GSN: variants seen among roughly 807,000 people sequenced by gnomAD.
GSN encodes the protein gelsolin, also known as actin-depolymerizing factor.
GSN carries 56 observed loss-of-function variants against 85.7 expected under a neutral mutation model. That is an observed-to-expected ratio of 0.65 (90% CI 0.53 to 0.82). The LOEUF is 0.82. GSN is among the 40% of genes least tolerant of loss of function. The pLI is 0.00. For synonymous variants in GSN, 373 were observed against 399.1 expected, an observed-to-expected ratio of 0.93 and a Z score of 0.78; for missense variants, 857 against 979.8, an observed-to-expected ratio of 0.87 and a Z score of 1.67.
intron 2 of GSN, chr9:121,282,308 C>A (rs1266423008): frequency 6.6e-6 from 4 of 605,860 alleles, no homozygotes; most frequent in Non-Finnish European, 1.2e-5. Flanking sequence ...ACCAGTGAGA[C>A]AGGAAGGATC....
chr9:121,313,507 G>A (rs927507078), intron 6 of GSN: 1 of 290,678 alleles, frequency 3.4e-6, no homozygotes, highest in South Asian at 3.4e-5. Context: ...CCTAATAGCT[G>A]TGTGAGTAGG....
At chr9:121,283,983 C>T (rs2057747071) in intron 2 of GSN, 2 of 166,910 alleles carry the variant, frequency 1.2e-5, no homozygotes, top group South Asian at 2.1e-4. Context: ...TGGAGGAGCC[C>T]CCTAGGCAGA....
At chr9:121,276,467 G>T (rs1457904224) in intron 1 of GSN, among the ~76,000 whole-genome samples, 1 of 152,214 alleles carries the variant, frequency 6.6e-6, no homozygotes, top group African/African-American at 2.4e-5. Flanking sequence ...ACAAAGGACC[G>T]AATGACTTGG....
intron 2 of GSN, chr9:121,282,551 G>A (rs765328596): frequency 6.4e-6 from 8 of 1,247,354 alleles, no homozygotes; most frequent in South Asian, 4.0e-5. Flanking sequence ...CAAAGCTCAG[G>A]TGAAAGGGCT....
chr9:121,234,403 C>A (rs2054452753), intron 5 of GSN, among the ~76,000 whole-genome samples: 1 of 152,168 alleles, frequency 6.6e-6, no homozygotes, highest in African/African-American at 2.4e-5. Flanking sequence ...CAGCACCGAT[C>A]CCTTCCGGAG....
At chr9:121,258,927 T>G (rs1247060560) in intron 6 of GSN, among the ~76,000 whole-genome samples, 1 of 152,240 alleles carries the variant, frequency 6.6e-6, no homozygotes, top group Non-Finnish European at 1.5e-5. Flanking sequence ...CATTCAACAT[T>G]TACTAGTCTC....
At chr9:121,257,722 T>G (rs368031159) in intron 6 of GSN, among the ~76,000 whole-genome samples, 1 of 151,906 alleles carries the variant, frequency 6.6e-6, no homozygotes, top group Non-Finnish European at 1.5e-5. Context: ...GATAGAAAAA[T>G]TAGGTGGGTG....
chr9:121,331,144 T>C (rs923618296), intron 16 of GSN, among the ~76,000 whole-genome samples: 10 of 152,204 alleles, frequency 6.6e-5, no homozygotes, highest in African/African-American at 2.4e-4. Context: ...TCTAGATTTT[T>C]ATGTCATAAC....
At chr9:121,243,596 G>T (rs1366508471) in intron 5 of GSN, among the ~76,000 whole-genome samples, 1 of 152,144 alleles carries the variant, frequency 6.6e-6, no homozygotes, top group Non-Finnish European at 1.5e-5. Context: ...AGGGGGGTGG[G>T]AGCAGCGTTT....
At chr9:121,222,615 A>G (rs927797551) in intron 4 of GSN, among the ~76,000 whole-genome samples, 6 of 152,224 alleles carry the variant, frequency 3.9e-5, no homozygotes, top group African/African-American at 7.2e-5. Flanking sequence ...TTGCATTACA[A>G]TTACCTCTAG....
chr9:121,234,407 T>C (rs2054452850), intron 5 of GSN, among the ~76,000 whole-genome samples: 1 of 152,150 alleles, frequency 6.6e-6, no homozygotes, highest in Non-Finnish European at 1.5e-5. Context: ...ACCGATCCCT[T>C]CCGGAGGGGA....
At chr9:121,266,780 C>G (rs1329103001), upstream of GSN, among the ~76,000 whole-genome samples, 1 of 152,102 alleles carries the variant, frequency 6.6e-6, no homozygotes, top group African/African-American at 2.4e-5. Context: ...GTCGGTAATA[C>G]GTGGGAAGCC....
chr9:121,214,964 T>G (rs2054033526), intron 4 of GSN, among the ~76,000 whole-genome samples: 1 of 152,144 alleles, frequency 6.6e-6, no homozygotes, highest in Non-Finnish European at 1.5e-5. Flanking sequence ...ATAACAAAAA[T>G]GTGTTCTCTC....
At chr9:121,304,341 G>C (rs368478730) in intron 4 of GSN, among the ~76,000 whole-genome samples, 16 of 152,378 alleles carry the variant, frequency 1.1e-4, no homozygotes, top group Middle Eastern at 6.8e-3. Flanking sequence ...GAGGTGTCCA[G>C]CTCTGCCTTC....
chr9:121,264,626 C>T (rs989670895), upstream of GSN, among the ~76,000 whole-genome samples: 3 of 152,224 alleles, frequency 2.0e-5, no homozygotes, highest in Non-Finnish European at 2.9e-5. Context: ...GACCTCCACA[C>T]CTTTGCTTAT....
chr9:121,214,203 TTCC>T, intron 4 of GSN, among the ~76,000 whole-genome samples: 1 of 151,682 alleles, frequency 6.6e-6, no homozygotes, highest in African/African-American at 2.4e-5. Flanking sequence ...CCTTCCTTCC[TTCC>T]TTCCTTCCTC....
chr9:121,301,997 T>G lies in GSN; in HGVS notation c.26T>G (p.Leu9Arg). MVVEHPEF[L>R]KAGKEPGLQI... ...ATGGTGGTGGAACACCCCGAGTTCC[T>G]CAAGGCAGGGAAGGAGCCTGGCCTG... is the stretch of plus-strand genomic sequence containing the variant. Residue 9 changes from leucine (L) to arginine (R), a missense_variant, in exon 3 of 18, where the codon CTC (leucine) becomes CGC (arginine). Leu to Arg is a moderately radical substitution (Grantham distance 102, BLOSUM62 -2). Transcript: ENST00000432226. The G allele has an allele frequency of 6.2e-7, 1 of 1,614,180 alleles. No homozygotes were observed. Among genetic ancestry groups the G allele is most frequent in the South Asian group, 1.1e-5 (1 of 91,090 alleles).
At position 121,318,235 on chromosome 9, in the gene GSN, C is replaced by T. The variant is rs912998673; in HGVS notation, c.887-171C>T. ...TCACTGGCCAGCCCCAGGCTGGACACCAGGAGCTCTAGTGAGTGGTCGGCT... is the reference window on the plus strand; with the variant it reads ...TCACTGGCCAGCCCCAGGCTGGACATCAGGAGCTCTAGTGAGTGGTCGGCT... On this transcript the variant is annotated intron_variant, in intron 8 of 17. Coordinates refer to ENST00000432226, the MANE Select transcript of GSN (RefSeq NM_198252.3). This position sits in a 1 kb window ranked among gnomAD's most constrained non-coding sequence, Gnocchi z 4.3. Among the ~76,000 whole-genome samples, 1 of 152,182 alleles carries T rather than the reference C, an allele frequency of 6.6e-6. No homozygotes were observed. Among genetic ancestry groups the T allele is most frequent in the Non-Finnish European group, 1.5e-5 (1 of 68,026 alleles).
At chr9:121,270,549 G>T (rs2055785394) in intron 1 of GSN, among the ~76,000 whole-genome samples, 1 of 152,224 alleles carries the variant, frequency 6.6e-6, no homozygotes, top group Non-Finnish European at 1.5e-5. Context: ...CAACAGGCTA[G>T]ACCTACTGGA....
Sources: allele counts gnomAD v4.1 joint callset (sites outside exome capture counted in the v4.1 genomes callset), GRCh38; gene constraint gnomAD v4.1.1; non-coding constraint Gnocchi (gnomAD v3.1); transcripts MANE v1.5; gene names NCBI Gene and HGNC (gene_info 2026-07-23, HGNC 2026-07-21).